The following ZNF763 variants were observed in gnomAD, a reference collection of about 807,000 sequenced individuals.
The protein encoded by ZNF763 is DNA-binding protein.
ZNF763 carries 33 observed loss-of-function variants against 38.0 expected under a neutral mutation model. The ratio of observed to expected loss-of-function variants is 0.87; its 90% CI spans 0.66 to 1.16. ZNF763 has a LOEUF of 1.16. ZNF763 is among the 50% of genes most tolerant of loss of function. The pLI is 0.00. For synonymous variants in ZNF763, 155 were observed against 160.1 expected (o/e 0.97, Z 0.24); for missense variants, 423 against 469.1 (o/e 0.90, Z 0.91).
chr19:11,968,775 G>A (rs1377450703), intron 1 of ZNF763, among the ~76,000 whole-genome samples: 3 of 152,082 alleles, frequency 2.0e-5, no homozygotes, highest in Non-Finnish European at 2.9e-5. Context: ...ACCCCAGCAC[G>A]TTGGGAGGCC....
intron 1 of ZNF763, among the ~76,000 whole-genome samples, chr19:11,974,139 TTTCTTTCTTTCTTTCTTTCCTTCCTTCC>T (rs1568308574): frequency 1.2e-3 from 145 of 122,350 alleles, no homozygotes; most frequent in Middle Eastern, 3.8e-3. Flanking sequence ...TCTTTCTTTC[TTTCTTTCTTTCTTTCTTTCCTTCCTTCC>T]TTCCTTCCTT....
intron 1 of ZNF763, among the ~76,000 whole-genome samples, chr19:11,966,964 C>T (rs1031199230): frequency 6.6e-6 from 1 of 152,130 alleles, no homozygotes; most frequent in Non-Finnish European, 1.5e-5. Context: ...CCTCATCAGA[C>T]CCCAAGAGGG....
chr19:11,971,778 T>C (rs1973355915), intron 1 of ZNF763, among the ~76,000 whole-genome samples: 1 of 152,160 alleles, frequency 6.6e-6, no homozygotes, highest in Non-Finnish European at 1.5e-5. Flanking sequence ...TAATAGAAAT[T>C]TGTGGCCGGG....
intron 1 of ZNF763, 91 bp downstream of exon 1, chr19:11,965,302 G>T: frequency 6.4e-7 from 1 of 1,569,910 alleles, no homozygotes; most frequent in Non-Finnish European, 8.7e-7. Flanking sequence ...GCCTCCCTGC[G>T]GGCGACTCCA....
chr19:11,976,826 C>T (rs540563385), intron 1 of ZNF763: 9 of 1,376,630 alleles, frequency 6.5e-6, no homozygotes, highest in Middle Eastern at 2.7e-4. Context: ...TATACTCCAG[C>T]CTGGGCAACA....
intron 1 of ZNF763, among the ~76,000 whole-genome samples, chr19:11,974,116 T>TC (rs1555704452): frequency 1.5e-5 from 1 of 68,756 alleles, no homozygotes; most frequent in African/African-American, 5.3e-5. Flanking sequence ...TTTCTTTCTT[T>TC]CTTTCTTTCT....
chr19:11,965,184 C>A lies in ZNF763; in HGVS notation c.-25C>A. 6.2e-7 allele frequency: 1 copy of A among 1,614,002 alleles called. No homozygotes were observed. Among genetic ancestry groups the A allele is most frequent in the South Asian group, 1.1e-5 (1 of 91,082 alleles). On this transcript the variant is annotated 5_prime_UTR_variant, in exon 1 of 4. Coordinates refer to ENST00000358987, the MANE Select transcript of ZNF763 (RefSeq NM_001367172.2). ...GTAGTCACAGGAGCTGTAGAGAGGA[C>A]CCCAGGACATCTGAAAGCCAGGAAA...
chr19:11,978,857 C>T lies in ZNF763; in HGVS notation c.933C>T (p.Pro311=). Residue 311 remains proline, a synonymous_variant, in exon 4 of 4, where the codon CCC becomes CCT. Transcript: ENST00000358987. ...AAAGAACTCACACTGGGGAGAAGCC[C>T]TGTGAATGTAGCAAATGTAATAAAG... ...IHERTHTGEK[P]CECSKCNKAF... 1 of 1,614,140 alleles carries T rather than the reference C, an allele frequency of 6.2e-7. No individual in the cohort carries two copies. The highest frequency in any genetic ancestry group is 8.5e-7 in the Non-Finnish European group (1 of 1,180,036).
chr19:11,969,913 C>T (rs1368243933), intron 1 of ZNF763, among the ~76,000 whole-genome samples: 1 of 152,162 alleles, frequency 6.6e-6, no homozygotes, highest in Non-Finnish European at 1.5e-5. Flanking sequence ...TCAGTACACC[C>T]TCCTATCTTT....
intron 1 of ZNF763, among the ~76,000 whole-genome samples, chr19:11,972,821 G>A (rs1417249072): frequency 1.3e-5 from 2 of 151,922 alleles, no homozygotes; most frequent in East Asian, 3.9e-4. Context: ...GCCAGATGCT[G>A]TGCCTCATAC....
At chr19:11,967,091 T>G (rs767223664) in intron 1 of ZNF763, among the ~76,000 whole-genome samples, 4 of 152,186 alleles carry the variant, frequency 2.6e-5, no homozygotes, top group African/African-American at 9.7e-5. Flanking sequence ...TTCAAGCACT[T>G]TTCAAGGCCA....
chr19:11,980,153 G>A lies in ZNF763; in HGVS notation c.*1044G>A. On this transcript the variant is annotated 3_prime_UTR_variant, in exon 4 of 4. Coordinates refer to ENST00000358987, the MANE Select transcript of ZNF763 (RefSeq NM_001367172.2). ...TCACACTGGATAGAAACCAAAGCAG[G>A]TGAATCACCTGAGGTCAGGAGTTCA... is the stretch of plus-strand genomic sequence containing the variant. The A allele has an allele frequency of 1.4e-6, 1 of 697,066 alleles. No homozygotes were observed. Among genetic ancestry groups the A allele is most frequent in the Non-Finnish European group, 2.4e-6 (1 of 422,830 alleles). The allele number at this position is 697,066 out of a possible 1,614,324, so 43.2% of individuals were successfully genotyped here. A position where few individuals can be genotyped will look rare whatever the true frequency, so the allele number is the denominator to read the frequency against.
chr19:11,969,410 T>G (rs1241241008), intron 1 of ZNF763, among the ~76,000 whole-genome samples: 1 of 152,230 alleles, frequency 6.6e-6, no homozygotes, highest in African/African-American at 2.4e-5. Flanking sequence ...GGGCCTGACT[T>G]ACTTGTTCAC....
chr19:11,968,796 G>T (rs1167199483), intron 1 of ZNF763, among the ~76,000 whole-genome samples: 2 of 152,114 alleles, frequency 1.3e-5, no homozygotes, highest in African/African-American at 4.8e-5. Context: ...GAGGCAGGTG[G>T]ATGGCTTGAT....
chr19:11,980,231 A>C lies in ZNF763; in HGVS notation c.*1122A>C. 2.6e-6 allele frequency: 1 copy of C among 384,786 alleles called. No individual in the cohort carries two copies. Among genetic ancestry groups the C allele is most frequent in the Non-Finnish European group, 4.7e-6 (1 of 211,272 alleles). The allele number at this position is 384,786 out of a possible 1,614,324, so 23.8% of individuals were successfully genotyped here. ...CCCTGTCTCTACTAAAACTACAAAA[A>C]TTGGCCAGGCGTGGTGGCCTGCTTC... On this transcript the variant is annotated 3_prime_UTR_variant, in exon 4 of 4. Coordinates refer to ENST00000358987, the MANE Select transcript of ZNF763 (RefSeq NM_001367172.2).
intron 1 of ZNF763, among the ~76,000 whole-genome samples, chr19:11,968,513 AT>A (rs1454239879): frequency 6.6e-6 from 1 of 152,180 alleles, no homozygotes; most frequent in Non-Finnish European, 1.5e-5. Flanking sequence ...AAGTGCTGGG[AT>A]TATAGACATG....
chr19:11,966,442 C>T (rs921309404), intron 1 of ZNF763, among the ~76,000 whole-genome samples: 1 of 152,154 alleles, frequency 6.6e-6, no homozygotes. Flanking sequence ...GGCTGGATCT[C>T]GGCTCACAGC....
Position 11,965,081 on chromosome 19 carries a change from C to G in ZNF763, c.-128C>G. On this transcript the variant is annotated 5_prime_UTR_variant, in exon 1 of 4. Coordinates refer to ENST00000358987, the MANE Select transcript of ZNF763 (RefSeq NM_001367172.2). ...CCTTGCGCAGCCGGTGGTTGATATCCGCTGTATCCATCCCCGAGAGGGACC... is the reference window on the plus strand; with the variant it reads ...CCTTGCGCAGCCGGTGGTTGATATCGGCTGTATCCATCCCCGAGAGGGACC... 1 of 1,246,322 alleles carries G rather than the reference C, an allele frequency of 8.0e-7. No individual in the cohort carries two copies. The highest frequency in any genetic ancestry group is 1.2e-6 in the Non-Finnish European group (1 of 859,682). The allele number at this position is 1,246,322 out of a possible 1,614,324, so 77.2% of individuals were successfully genotyped here. A position where few individuals can be genotyped will look rare whatever the true frequency, so the allele number is the denominator to read the frequency against.
At chr19:11,972,504 G>A (rs930390422) in intron 1 of ZNF763, among the ~76,000 whole-genome samples, 2 of 152,104 alleles carry the variant, frequency 1.3e-5, no homozygotes, top group African/African-American at 4.8e-5. Flanking sequence ...TAATGATGGA[G>A]CCAGTATTGG....
Sources: allele counts gnomAD v4.1 joint callset (sites outside exome capture counted in the v4.1 genomes callset), GRCh38; gene constraint gnomAD v4.1.1; transcripts MANE v1.5; gene names NCBI Gene and HGNC (gene_info 2026-07-23, HGNC 2026-07-21).